Variants in IFT74 observed in about 807,000 individuals in gnomAD.
IFT74 encodes intraflagellar transport 74.
Under a neutral mutation model 96.7 loss-of-function variants are expected in IFT74, and 92 were observed. The observed-to-expected ratio is 0.95, with a 90% CI of 0.80 to 1.13. The LOEUF is 1.13. Among genes scored for constraint, IFT74 ranks in the 50% most tolerant of loss-of-function variants. The pLI, the probability that IFT74 is intolerant of heterozygous loss-of-function variation, is 0.00. For missense variants in IFT74, 811 were observed against 698.2 expected (o/e 1.16, Z -1.82); for synonymous variants, 223 against 213.2 (o/e 1.05, Z -0.40).
In IFT74 at chr9:27,055,637, G is replaced by T. The variant is rs1820126807; in HGVS notation, c.1362G>T (p.Gln454His). The T allele has an allele frequency of 6.3e-7, 1 of 1,582,616 alleles. No individual in the cohort carries two copies. Residue 454 changes from glutamine to histidine, a missense_variant, in exon 17 of 20, where the codon CAG (glutamine) becomes CAT (histidine). Coordinates refer to ENST00000380062, the MANE Select transcript of IFT74 (RefSeq NM_025103.4). The part of the protein sequence containing the change: ...SDIQRLQLDL[Q>H]KMELLESKMT... ...TTCAACGTCTGCAGTTGGATCTGCA[G>T]AAAATGGAGCTTCTAGAAAGTAAGA...
Position 26,986,110 on chromosome 9 carries a change from A to G in IFT74, c.465+1551A>G, listed in dbSNP as rs1333800752. Among the ~76,000 whole-genome samples the G allele has an allele frequency of 2.0e-5, 3 of 152,244 alleles. No homozygotes were observed. In the East Asian group the frequency reaches 5.8e-4, roughly 29 times the overall value. The stretch of plus-strand genomic sequence containing the variant: ...GATGTCTGGATTTAATGAAAAAGTC[A>G]AATTTTTATCTCACTACCCTTATTA... On this transcript the variant is annotated intron_variant, in intron 6 of 19. Transcript: ENST00000380062.
At chr9:27,025,455 A>AG (rs1216023946) in intron 12 of IFT74, among the ~76,000 whole-genome samples, 1 of 151,130 alleles carries the variant, frequency 6.6e-6, no homozygotes. Flanking sequence ...AAAAAAAAAA[A>AG]AAAAAAAAGA....
intron 8 of IFT74, chr9:26,999,585 T>C (rs910966502): frequency 2.7e-6 from 4 of 1,469,810 alleles, no homozygotes; most frequent in African/African-American, 1.4e-5. Context: ...TTTGAAAATA[T>C]TTTTACTATT....
chr9:27,030,388 C>A (rs1830064893), intron 13 of IFT74, among the ~76,000 whole-genome samples: 1 of 151,800 alleles, frequency 6.6e-6, no homozygotes, highest in Admixed American at 6.6e-5. Flanking sequence ...CCACTACATC[C>A]AGCTAAGTTT....
intron 2 of IFT74, 76 bp downstream of exon 2, chr9:26,962,163 C>T: frequency 2.8e-6 from 4 of 1,454,494 alleles, no homozygotes; most frequent in South Asian, 1.2e-5. Context: ...ACTGGGGCTT[C>T]AGTGAACTCT....
intron 8 of IFT74, chr9:26,996,206 A>G: frequency 5.4e-6 from 4 of 741,546 alleles, no homozygotes; most frequent in Non-Finnish European, 7.9e-6. Flanking sequence ...GAGATGAGGA[A>G]TCTTTCTTTT....
At chr9:26,991,551 G>A (rs1432629691) in intron 8 of IFT74, among the ~76,000 whole-genome samples, 1 of 151,962 alleles carries the variant, frequency 6.6e-6, no homozygotes, top group African/African-American at 2.4e-5. Context: ...CTGTAAAGTG[G>A]TATCTTATAA....
upstream of IFT74, among the ~76,000 whole-genome samples, chr9:26,952,069 C>T (rs1197009098): frequency 6.6e-6 from 1 of 152,102 alleles, no homozygotes; most frequent in African/African-American, 2.4e-5. Context: ...AGGAGAAAAA[C>T]ATTCTTCTAG....
intron 16 of IFT74, among the ~76,000 whole-genome samples, chr9:27,049,025 G>A (rs1819811350): frequency 1.3e-5 from 2 of 152,036 alleles, no homozygotes; most frequent in Admixed American, 1.3e-4. Flanking sequence ...TATGTTCTCT[G>A]TGAGTTCACG....
chr9:27,044,327 A>G (rs73643132), intron 13 of IFT74, among the ~76,000 whole-genome samples: 2,041 of 152,260 alleles, frequency 0.013, 44 homozygotes, highest in African/African-American at 0.045. Context: ...TATTTTTCCT[A>G]TGATAGCAGT....
chr9:27,019,744 T>C (rs76045596), intron 12 of IFT74, among the ~76,000 whole-genome samples: 1 of 151,782 alleles, frequency 6.6e-6, no homozygotes, highest in Non-Finnish European at 1.5e-5. Flanking sequence ...TAAACATCCA[T>C]GTACAAGTTT....
chr9:27,017,453 C>G (rs1015561720), intron 11 of IFT74, among the ~76,000 whole-genome samples: 2 of 152,128 alleles, frequency 1.3e-5, no homozygotes, highest in African/African-American at 4.8e-5. Context: ...AGCTCCTGGC[C>G]TCAAGCAGTC....
At chr9:26,976,852 G>C in intron 2 of IFT74, 2 of 444,376 alleles carry the variant, frequency 4.5e-6, no homozygotes, top group African/African-American at 2.0e-5. Context: ...TGTTATGTTG[G>C]ATTTTGCATA....
rs6475953 is a variant in IFT74 at position 27,038,576 on chromosome 9, C to A, written c.1055-6166C>A. 8.5e-3 allele frequency among the ~76,000 whole-genome samples: 1,288 copies of A among 152,270 alleles called. 18 individuals are homozygous for A. The highest frequency in any genetic ancestry group is 0.029 in the African/African-American group (1,223 of 41,548). On this transcript the variant is annotated intron_variant, in intron 13 of 19. Transcript: ENST00000380062. ...ACAGGCGTGAGCCCACCGCGCCCGG[C>A]CCAGGAATATCTTGAATGTTGCAAA...
At chr9:26,986,662 G>A (rs1359094030) in intron 6 of IFT74, among the ~76,000 whole-genome samples, 1 of 151,854 alleles carries the variant, frequency 6.6e-6, no homozygotes, top group Non-Finnish European at 1.5e-5. Context: ...TTGCTCTGTT[G>A]CTCTGGCTGA....
intron 2 of IFT74, among the ~76,000 whole-genome samples, chr9:26,964,712 G>T (rs1412531262): frequency 6.6e-6 from 1 of 151,838 alleles, no homozygotes; most frequent in Non-Finnish European, 1.5e-5. Flanking sequence ...TTGATGCTAG[G>T]GGTAATATTA....
intron 2 of IFT74, among the ~76,000 whole-genome samples, chr9:26,966,012 G>A (rs1826592715): frequency 6.6e-6 from 1 of 151,770 alleles, no homozygotes; most frequent in African/African-American, 2.4e-5. Flanking sequence ...ATATATATAT[G>A]TGTATATGTG....
intron 8 of IFT74, among the ~76,000 whole-genome samples, chr9:26,991,659 TG>T (rs1827880704): frequency 6.6e-6 from 1 of 152,284 alleles, no homozygotes; most frequent in East Asian, 1.9e-4. Flanking sequence ...TTTGTTATCC[TG>T]GTTTTAATCC....
chr9:27,011,930 T>C lies in IFT74; in HGVS notation c.751T>C (p.Leu251=), dbSNP rs377748961. Residue 251 remains leucine (L), a synonymous_variant, in exon 10 of 20, where the codon TTG becomes CTG. Transcript: ENST00000380062. Reference sequence around the variant, plus strand: ...GGAATTAGATACACTTCAACAACAATTGGATTCACAGAACATGAAAAAAGA... The same window carrying C: ...GGAATTAGATACACTTCAACAACAACTGGATTCACAGAACATGAAAAAAGA... ...LQELDTLQQQ[L]DSQNMKKESL... is the part of the protein sequence containing the mutation. 9.5e-5 allele frequency: 150 copies of C among 1,585,302 alleles called. No homozygotes were observed. Among genetic ancestry groups the C allele is most frequent in the Non-Finnish European group, 1.1e-4 (131 of 1,166,740 alleles).
Sources: gnomAD v4.1 joint callset for allele counts (sites outside exome capture counted in the v4.1 genomes callset) on GRCh38, gnomAD v4.1.1 for gene constraint, MANE v1.5 for transcripts, NCBI Gene and HGNC (gene_info 2026-07-23, HGNC 2026-07-21) for gene names.